CHD9: variants seen among roughly 807,000 people sequenced by gnomAD.
CHD9 encodes ATP-dependent chromatin remodeler CHD9.
CHD9 carries 77 observed loss-of-function variants against 316.1 expected under a neutral mutation model. The ratio of observed to expected loss-of-function variants is 0.24; its 90% CI spans 0.20 to 0.29. The LOEUF (loss-of-function observed/expected upper bound fraction) is 0.29, where lower values mean the gene tolerates loss of function less well. CHD9 is among the 10% of genes least tolerant of loss of function. The pLI, the probability that CHD9 is intolerant of heterozygous loss-of-function variation, is 1.00. For synonymous variants in CHD9, 1,129 were observed against 1,158.3 expected, an observed-to-expected ratio of 0.97 and a Z score of 0.51; for missense variants, 2,763 against 3,438.1, an observed-to-expected ratio of 0.80 and a Z score of 4.91.
intron 2 of CHD9, among the ~76,000 whole-genome samples, chr16:53,174,605 A>T (rs2042982672): frequency 6.6e-6 from 1 of 151,822 alleles, no homozygotes; most frequent in African/African-American, 2.4e-5. Flanking sequence ...TAACCTATTT[A>T]TGTATTAATT....
intron 1 of CHD9, among the ~76,000 whole-genome samples, chr16:53,118,182 G>A (rs939023726): frequency 3.3e-5 from 5 of 152,250 alleles, no homozygotes; most frequent in South Asian, 2.1e-4. Context: ...CTTGGGAGGC[G>A]GAGGCGGGTG....
rs756000122 is a variant in CHD9, at chr16:53,262,989, G to A, written c.4212G>A (p.Ala1404=). The A allele has an allele frequency of 1.2e-5, 20 of 1,611,082 alleles. No individual in the cohort carries two copies. The highest frequency in any genetic ancestry group is 1.6e-5 in the Non-Finnish European group (19 of 1,178,222). ...SEGRGSTFAK[A]SFVASGNRTD... is the part of the protein sequence containing the mutation. ...AAAACTGCCATTATATATTTCAGGCGAGTTTTGTGGCATCTGGAAACCGGA... is the reference window on the plus strand; with the variant it reads ...AAAACTGCCATTATATATTTCAGGCAAGTTTTGTGGCATCTGGAAACCGGA... Residue 1404 remains alanine, a splice_region_variant and synonymous_variant, in exon 20 of 39, where the codon GCG becomes GCA. Coordinates refer to ENST00000447540, the MANE Select transcript of CHD9 (RefSeq NM_001308319.2).
At chr16:53,223,777 G>A (rs915669618) in intron 4 of CHD9, among the ~76,000 whole-genome samples, 3 of 151,808 alleles carry the variant, frequency 2.0e-5, no homozygotes, top group Non-Finnish European at 2.9e-5. Flanking sequence ...CACAAAAAAT[G>A]GTGAAGGTAA....
Position 53,288,076 on chromosome 16 carries a change from G to A in CHD9, c.5247+62G>A, listed in dbSNP as rs1480157552. 20 of 1,258,108 alleles carry A rather than the reference G, an allele frequency of 1.6e-5. No homozygotes were observed. In the East Asian group the frequency reaches 4.6e-4, roughly 29 times the overall value. The allele number at this position is 1,258,108 out of a possible 1,614,324, so 77.9% of individuals were successfully genotyped here. ...AGGTATTCTTTGGTTTCTTGTGTTT[G>A]CTTTTTCTTTTGCATTATATTTTGT... On this transcript the variant is annotated intron_variant, in intron 27 of 38. Coordinates refer to ENST00000447540, the MANE Select transcript of CHD9 (RefSeq NM_001308319.2).
chr16:53,235,223 A>C lies in CHD9; in HGVS notation c.2550A>C (p.Gln850His), dbSNP rs1257550645. The part of the protein sequence containing the change: ...PPSNIWKKID[Q>H]SRDYKNGNQL... ...CTAATATTTGGAAGAAAATAGATCA[A>C]TCCAGGGACTATAAAAATGGCAATC... The change falls in exon 11 of 39, where the codon CAA becomes CAC. Residue 850 changes from glutamine (Q) to histidine (H), a missense_variant. Gln to His is a conservative substitution (Grantham distance 24, BLOSUM62 0). Transcript: ENST00000447540. The C allele has an allele frequency of 1.9e-6, 3 of 1,552,804 alleles. No homozygotes were observed. Among genetic ancestry groups the C allele is most frequent in the Non-Finnish European group, 2.6e-6 (3 of 1,145,812 alleles).
intron 1 of CHD9, among the ~76,000 whole-genome samples, chr16:53,155,043 T>G (rs2041410962): frequency 6.6e-6 from 1 of 152,210 alleles, no homozygotes; most frequent in South Asian, 2.1e-4. Context: ...ACTAGCTTAT[T>G]TTAACATTGT....
intron 1 of CHD9, among the ~76,000 whole-genome samples, chr16:53,136,319 CT>C (rs1448479739): frequency 6.6e-6 from 1 of 151,964 alleles, no homozygotes; most frequent in Non-Finnish European, 1.5e-5. Flanking sequence ...GTCTAGTGGT[CT>C]TTTCATATTA....
At chr16:53,167,335 T>C (rs1440151324) in intron 2 of CHD9, among the ~76,000 whole-genome samples, 2 of 152,194 alleles carry the variant, frequency 1.3e-5, no homozygotes, top group African/African-American at 4.8e-5. Flanking sequence ...TTTTTAGCTC[T>C]TCTATTTGTT....
chr16:53,224,420 C>A (rs1437305863), intron 4 of CHD9, among the ~76,000 whole-genome samples: 1 of 152,082 alleles, frequency 6.6e-6, no homozygotes, highest in Non-Finnish European at 1.5e-5. Context: ...ATGGTAAAAT[C>A]TTCTATAATC....
At chr16:53,298,805 T>G (rs1467732865) in intron 30 of CHD9, 2 of 156,036 alleles carry the variant, frequency 1.3e-5, no homozygotes, top group African/African-American at 4.8e-5. Flanking sequence ...CATAGCTCAT[T>G]GATGAGTGTG....
intron 2 of CHD9, among the ~76,000 whole-genome samples, chr16:53,172,488 A>G (rs1421089479): frequency 6.6e-6 from 1 of 152,218 alleles, no homozygotes; most frequent in East Asian, 1.9e-4. Context: ...GAACATTTTT[A>G]TGTAGTCTTG....
At chr16:53,073,021 G>A (rs977223015) in intron 1 of CHD9, among the ~76,000 whole-genome samples, 1 of 152,070 alleles carries the variant, frequency 6.6e-6, no homozygotes, top group African/African-American at 2.4e-5. Context: ...TCATATCTAT[G>A]GTTCTGTGAT....
chr16:53,275,091 G>T (rs2052679160), intron 24 of CHD9, among the ~76,000 whole-genome samples: 1 of 152,142 alleles, frequency 6.6e-6, no homozygotes, highest in Non-Finnish European at 1.5e-5. Flanking sequence ...GAGTGCAGTG[G>T]CATGATACTG....
intron 1 of CHD9, chr16:53,121,234 T>C: frequency 2.5e-6 from 1 of 407,416 alleles, no homozygotes; most frequent in Admixed American, 2.8e-5. Context: ...AAATACTTGC[T>C]GAGTGAATTC....
chr16:53,125,847 G>A (rs2038948016), intron 1 of CHD9, among the ~76,000 whole-genome samples: 2 of 152,194 alleles, frequency 1.3e-5, no homozygotes, highest in South Asian at 2.1e-4. Context: ...CAACTTAACA[G>A]TATTTTCAAC....
intron 34 of CHD9, among the ~76,000 whole-genome samples, chr16:53,309,523 T>G (rs1016969488): frequency 6.6e-6 from 1 of 152,228 alleles, no homozygotes; most frequent in Non-Finnish European, 1.5e-5. Context: ...CTTCTAATCT[T>G]TTGGCAGTTT....
At chr16:53,153,081 G>C (rs1014441795) in intron 1 of CHD9, among the ~76,000 whole-genome samples, 1 of 152,160 alleles carries the variant, frequency 6.6e-6, no homozygotes, top group African/African-American at 2.4e-5. Flanking sequence ...TAGATGAGAC[G>C]TGAAAAACGA....
Position 53,209,347 on chromosome 16 carries a change from ATTTG to A in CHD9, c.1453-129_1453-126del, listed in dbSNP as rs1362175870. On this transcript the variant is annotated intron_variant, in intron 2 of 38. Coordinates refer to ENST00000447540, the MANE Select transcript of CHD9 (RefSeq NM_001308319.2). ...TTTCTTGATAAGCAAAATGTTTTAA[ATTTG>A]TTTGTAGCACTCACATATTTGCTAA... The A allele has an allele frequency of 1.7e-5, 11 of 634,622 alleles. No individual in the cohort carries two copies. The African/African-American group carries it at 1.8e-4, about 11-fold the overall frequency. The allele number at this position is 634,622 out of a possible 1,614,324, so 39.3% of individuals were successfully genotyped here.
rs901007111 is a variant in CHD9, at chr16:53,126,149, T to C, written c.-164-29777T>C. Among the ~76,000 whole-genome samples the C allele has an allele frequency of 5.9e-5, 9 of 152,360 alleles. No homozygotes were observed. In the East Asian group the frequency reaches 1.7e-3, roughly 29 times the overall value. ...ATCCAAGATCCTAAAGATTTACTTC[T>C]ATTTTTCCTCTTAGAGTTTTATAGC... On this transcript the variant is annotated intron_variant, in intron 1 of 38. Coordinates refer to ENST00000447540, the MANE Select transcript of CHD9 (RefSeq NM_001308319.2).
Sources: gnomAD v4.1 joint callset for allele counts (sites outside exome capture counted in the v4.1 genomes callset) on GRCh38, gnomAD v4.1.1 for gene constraint, MANE v1.5 for transcripts, NCBI Gene and HGNC (gene_info 2026-07-23, HGNC 2026-07-21) for gene names.